The following COL12A1 variants were observed in gnomAD, a reference collection of about 807,000 sequenced individuals.
COL12A1 encodes the protein collagen alpha-1(XII) chain.
Under a neutral mutation model 349.7 loss-of-function variants are expected in COL12A1, and 114 were observed. The ratio of observed to expected loss-of-function variants is 0.33; its 90% CI spans 0.28 to 0.38. COL12A1 has a LOEUF of 0.38. COL12A1 is among the 10% of genes least tolerant of loss of function. COL12A1 has a pLI of 1.00. For missense variants in COL12A1, 3,284 were observed against 3,756.9 expected, an observed-to-expected ratio of 0.87 and a Z score of 3.29; for synonymous variants, 1,369 against 1,329.0, an observed-to-expected ratio of 1.03 and a Z score of -0.66.
At chr6:75,104,665 T>C (rs1768460024) in intron 54 of COL12A1, among the ~76,000 whole-genome samples, 1 of 152,198 alleles carries the variant, frequency 6.6e-6, no homozygotes, top group Admixed American at 6.5e-5. Context: ...ACTTTCTTGG[T>C]TTTCCCTCCC....
rs749742940 is a variant in COL12A1 at position 75,181,224 on chromosome 6, A to AT, written c.1892-14_1892-13insA. ...GGAGGGACGTAAGCTATTTAAAAAA[A>AT]AAAAAAGACAGTTAAAAATGCTTGA... On this transcript the variant is annotated splice_polypyrimidine_tract_variant and intron_variant, in intron 10 of 65. Coordinates refer to ENST00000322507, the MANE Select transcript of COL12A1 (RefSeq NM_004370.6). 1.3e-5 allele frequency: 21 copies of AT among 1,575,916 alleles called. No homozygotes were observed. The Admixed American group carries it at 3.2e-4, about 24-fold the overall frequency.
Position 75,100,124 on chromosome 6 carries a change from C to G in COL12A1, c.8523+1476G>C, listed in dbSNP as rs546977320. On this transcript the variant is annotated intron_variant, in intron 58 of 65. Transcript: ENST00000322507. ...CCTGAAAAGTTCTCTTGCCCTCATC[C>G]CAGGGTGGCCTCACCACAAAGCTGG... Among the ~76,000 whole-genome samples, 5 of 152,282 alleles carry G rather than the reference C, an allele frequency of 3.3e-5. No homozygotes were observed. In the South Asian group the frequency reaches 1.0e-3, roughly 32 times the overall value.
At chr6:75,191,831 A>T in intron 4 of COL12A1, 71 bp from the exon 5 acceptor site, 8 of 943,208 alleles carry the variant, frequency 8.5e-6, no homozygotes, top group Non-Finnish European at 1.2e-5. Flanking sequence ...TAGAATAAAT[A>T]TATTATATTA....
intron 2 of COL12A1, among the ~76,000 whole-genome samples, chr6:75,196,888 T>C (rs1291703277): frequency 6.6e-6 from 1 of 152,188 alleles, no homozygotes; most frequent in African/African-American, 2.4e-5. Flanking sequence ...CTTGTTGATA[T>C]CCAAATGACC....
At chr6:75,091,965 G>T (rs1044920234) in intron 60 of COL12A1, among the ~76,000 whole-genome samples, 5 of 152,182 alleles carry the variant, frequency 3.3e-5, no homozygotes, top group African/African-American at 1.2e-4. Context: ...GTCTCACTAA[G>T]AACCAGCAGG....
At chr6:75,087,850 C>A in intron 64 of COL12A1, 103 bp from the exon 65 acceptor site, 1 of 1,188,112 alleles carries the variant, frequency 8.4e-7, no homozygotes. Flanking sequence ...CAAAATTAGA[C>A]AATTTACTAT....
chr6:75,148,422 G>T lies in COL12A1; in HGVS notation c.4223C>A (p.Pro1408His). The change falls in exon 22 of 66, where the codon CCT (proline) becomes CAT (histidine). Residue 1408 changes from proline (P) to histidine (H), a missense_variant. By Grantham distance (77) the Pro-to-His change is moderately conservative. This residue lies in a region of COL12A1 where 2,601 missense variants were observed against 2,824.8 expected (regional missense o/e 0.92). Transcript: ENST00000322507. ...CTTATATCGATCCACACTGTCAGAA[G>T]GTGGTGTCCAGCTCACTCTAAAAGA... ...HRSFRVSWTP[P>H]SDSVDRYKVE... is the part of the protein sequence containing the mutation. 10 of 1,613,464 alleles carry T rather than the reference G, an allele frequency of 6.2e-6. No homozygotes were observed. The highest frequency in any genetic ancestry group is 1.7e-4 in the Middle Eastern group (1 of 6,060).
chr6:75,132,164 T>C (rs1468103882), intron 34 of COL12A1, 82 bp from the exon 35 acceptor site: 4 of 1,487,080 alleles, frequency 2.7e-6, no homozygotes, highest in African/African-American at 2.8e-5. Flanking sequence ...AGAACCTACA[T>C]TCTGTAACAG....
chr6:75,141,337 A>T (rs1439429485), intron 27 of COL12A1, among the ~76,000 whole-genome samples: 1 of 152,236 alleles, frequency 6.6e-6, no homozygotes, highest in Non-Finnish European at 1.5e-5. Context: ...AGTAGAATCC[A>T]TAGCAAAAGA....
intron 13 of COL12A1, among the ~76,000 whole-genome samples, chr6:75,166,893 G>A (rs537750917): frequency 2.0e-5 from 3 of 151,982 alleles, no homozygotes. Context: ...ATATATGGTC[G>A]ATTTAGAGGG....
intron 51 of COL12A1, among the ~76,000 whole-genome samples, chr6:75,111,894 TC>T (rs1426777564): frequency 6.6e-6 from 1 of 151,596 alleles, no homozygotes; most frequent in African/African-American, 2.4e-5. Context: ...ACCATCCTTA[TC>T]AAAAATCTGA....
chr6:75,147,929 T>A, intron 22 of COL12A1, 125 bp from the exon 23 acceptor site: 1 of 1,054,850 alleles, frequency 9.5e-7, no homozygotes, highest in Non-Finnish European at 1.3e-6. Context: ...CATTGTCTTT[T>A]GTATTTGGAA....
rs1766436965 is a variant in COL12A1, at chr6:75,133,846, A to G, written c.5664+12T>C. On this transcript the variant is annotated intron_variant, in intron 33 of 65. Coordinates refer to ENST00000322507, the MANE Select transcript of COL12A1 (RefSeq NM_004370.6). ...AAACAAACTAGCATTTTTTACTACA[A>G]GAAATAATTACCAGTTCCTCTGGAC... The G allele has an allele frequency of 6.2e-7, 1 of 1,613,178 alleles. No individual in the cohort carries two copies. Among genetic ancestry groups the G allele is most frequent in the African/African-American group, 1.3e-5 (1 of 74,862 alleles).
At chr6:75,121,803 A>G (rs962061679) in intron 43 of COL12A1, among the ~76,000 whole-genome samples, 3 of 152,216 alleles carry the variant, frequency 2.0e-5, no homozygotes, top group African/African-American at 7.2e-5. Context: ...AATCAAATAA[A>G]AAGTTTGGAG....
In COL12A1 at chr6:75,147,818, T is replaced by A; in HGVS notation, c.4288-14A>T. On this transcript the variant is annotated splice_polypyrimidine_tract_variant and intron_variant, in intron 22 of 65. Transcript: ENST00000322507. ...ACTCACATAAAACTAGGGGGAAAAA[T>A]TAAACAGAGCAACAACGTATGTATA... The A allele has an allele frequency of 6.2e-7, 1 of 1,611,092 alleles. No homozygotes were observed. The highest frequency in any genetic ancestry group is 8.5e-7 in the Non-Finnish European group (1 of 1,178,916).
At chr6:75,102,535 G>T (rs1768352383) in intron 56 of COL12A1, 62 bp downstream of exon 56, 2 of 1,283,962 alleles carry the variant, frequency 1.6e-6, no homozygotes, top group Non-Finnish European at 2.1e-6. Flanking sequence ...ATGTAGAAAA[G>T]ATTCATTTAA....
chr6:75,148,238 A>C, intron 22 of COL12A1, 120 bp downstream of exon 22: 1 of 938,752 alleles, frequency 1.1e-6, no homozygotes, highest in South Asian at 2.1e-5. Context: ...ACTATTCTTG[A>C]CTCATTTCTG....
In COL12A1 at chr6:75,085,424, A is replaced by ACACAC; in HGVS notation, c.*1122_*1123insGTGTG. The ACACAC allele has an allele frequency of 2.2e-6, 1 of 455,954 alleles. No individual in the cohort carries two copies. The highest frequency in any genetic ancestry group is 1.6e-5 in the South Asian group (1 of 63,528). The allele number at this position is 455,954 out of a possible 1,614,324, so 28.2% of individuals were successfully genotyped here. A position where few individuals can be genotyped will look rare whatever the true frequency, so the allele number is the denominator to read the frequency against. On this transcript the variant is annotated 3_prime_UTR_variant, in exon 66 of 66. Transcript: ENST00000322507. Reference sequence around the variant, plus strand: ...TTGGAAGGCACACACACACACACACAGCAAAAGCTAAATCATCACCCGCGG... The same window carrying ACACAC: ...TTGGAAGGCACACACACACACACACACACACGCAAAAGCTAAATCATCACCCGCGG...
rs368105517 is a variant in COL12A1, at chr6:75,102,027, G to C, written c.8441C>G (p.Ala2814Gly). The C allele has an allele frequency of 1.5e-5, 24 of 1,614,054 alleles. No homozygotes were observed. Among genetic ancestry groups the C allele is most frequent in the Non-Finnish European group, 1.9e-5 (23 of 1,180,026 alleles). Residue 2814 changes from alanine (A) to glycine (G), a missense_variant, in exon 57 of 66, where the codon GCT becomes GGT. Physicochemically the swap from Ala to Gly is moderately conservative, Grantham distance 60 (BLOSUM62 0). This residue lies in a region of COL12A1 where 683 missense variants were observed against 932.1 expected (regional missense o/e 0.73). Coordinates refer to ENST00000322507, the MANE Select transcript of COL12A1 (RefSeq NM_004370.6). ...TCGGCCTGGAAGTCCTGGCTCTCCA[G>C]CATCACCTTTCATCCCTTGGCGACC... ...EQGRQGMKGD[A>G]GEPGLPGRTG...
Sources: allele counts gnomAD v4.1 joint callset (sites outside exome capture counted in the v4.1 genomes callset), GRCh38; gene constraint gnomAD v4.1.1; regional missense constraint gnomAD v4.1.1; transcripts MANE v1.5; gene names NCBI Gene and HGNC (gene_info 2026-07-23, HGNC 2026-07-21).